The following PTPRD variants were observed in gnomAD, a reference collection of about 807,000 sequenced individuals.
PTPRD encodes the protein protein tyrosine phosphatase receptor type D, also known as receptor-type tyrosine-protein phosphatase delta.
In PTPRD, 34 loss-of-function variants were observed where a neutral mutation model predicts 214.5. The observed-to-expected ratio is 0.16, with a 90% CI of 0.12 to 0.21. PTPRD has a LOEUF of 0.21. PTPRD is among the 10% of genes least tolerant of loss of function. The probability of loss-of-function intolerance (pLI) is 1.00; values close to 1 mark genes in which losing one functional copy is unlikely to be tolerated. For synonymous variants in PTPRD, 1,128 were observed against 845.7 expected, an observed-to-expected ratio of 1.33 and a Z score of -5.79; for missense variants, 2,545 against 2,398.7, an observed-to-expected ratio of 1.06 and a Z score of -1.27.
At chr9:10,001,257 A>C (rs12550974) in intron 4 of PTPRD, among the ~76,000 whole-genome samples, 1 of 152,128 alleles carries the variant, frequency 6.6e-6, no homozygotes, top group Non-Finnish European at 1.5e-5. Context: ...AGAAAAATGA[A>C]CCGAGCCCCC....
In PTPRD at chr9:9,768,499, T is replaced by C. The variant is rs1156249920; in HGVS notation, c.-367-1648A>G. 2.0e-5 allele frequency among the ~76,000 whole-genome samples: 3 copies of C among 152,218 alleles called. No individual in the cohort carries two copies. In the East Asian group the frequency reaches 5.8e-4, roughly 29 times the overall value. ...TCTTCTCTTATTATGTTCAAATTAA[T>C]TGAGAAACACAAGTATGGATGATAA... On this transcript the variant is annotated intron_variant, in intron 5 of 45. Transcript: ENST00000381196.
chr9:8,926,081 C>T (rs1029548018), intron 11 of PTPRD, among the ~76,000 whole-genome samples: 6 of 151,958 alleles, frequency 3.9e-5, no homozygotes, highest in East Asian at 3.9e-4. Context: ...CCTCATCACA[C>T]GATTTCTAGT....
At chr9:9,892,408 A>G (rs1171977114) in intron 5 of PTPRD, among the ~76,000 whole-genome samples, 1 of 152,114 alleles carries the variant, frequency 6.6e-6, no homozygotes, top group Admixed American at 6.6e-5. Flanking sequence ...GAGTGTGTGC[A>G]CACTTGCTCT....
At chr9:9,173,418 T>C (rs2099922689) in intron 10 of PTPRD, among the ~76,000 whole-genome samples, 1 of 152,134 alleles carries the variant, frequency 6.6e-6, no homozygotes, top group South Asian at 2.1e-4. Context: ...CACTTAACAC[T>C]GGGGATACAT....
intron 6 of PTPRD, among the ~76,000 whole-genome samples, chr9:9,760,112 C>A (rs766262825): frequency 1.3e-5 from 2 of 152,204 alleles, no homozygotes; most frequent in Middle Eastern, 3.4e-3. Context: ...GATCTCGTTA[C>A]AAAGTGGATA....
At chr9:9,078,498 T>G (rs1353220121) in intron 10 of PTPRD, among the ~76,000 whole-genome samples, 1 of 152,098 alleles carries the variant, frequency 6.6e-6, no homozygotes, top group Non-Finnish European at 1.5e-5. Flanking sequence ...CACTTTGAAT[T>G]CTTCCATTGC....
chr9:9,965,885 G>T (rs912740654), intron 4 of PTPRD, among the ~76,000 whole-genome samples: 1 of 152,186 alleles, frequency 6.6e-6, no homozygotes, highest in Non-Finnish European at 1.5e-5. Context: ...ATGCATATTA[G>T]CATGTCTCTT....
chr9:8,446,312 C>T (rs751425278), intron 34 of PTPRD, among the ~76,000 whole-genome samples: 22 of 152,116 alleles, frequency 1.4e-4, no homozygotes, highest in Non-Finnish European at 2.2e-4. Flanking sequence ...TCTTAAATCT[C>T]GATTCTCCAA....
At chr9:9,651,219 T>G (rs1344466110) in intron 7 of PTPRD, among the ~76,000 whole-genome samples, 4 of 152,316 alleles carry the variant, frequency 2.6e-5, no homozygotes, top group Non-Finnish European at 4.4e-5. Flanking sequence ...GCATTTAACC[T>G]TATTTATAAC....
chr9:10,236,457 C>T (rs1349960788), intron 3 of PTPRD, among the ~76,000 whole-genome samples: 1 of 151,816 alleles, frequency 6.6e-6, no homozygotes, highest in Non-Finnish European at 1.5e-5. Context: ...CCATGTTATC[C>T]CAAGGGTTTG....
At chr9:8,841,556 C>A (rs528354070) in intron 11 of PTPRD, among the ~76,000 whole-genome samples, 1 of 152,144 alleles carries the variant, frequency 6.6e-6, no homozygotes, top group Non-Finnish European at 1.5e-5. Flanking sequence ...CCTACCCCAA[C>A]AGAGATCTTT....
At chr9:9,217,229 C>T (rs146580103) in intron 9 of PTPRD, among the ~76,000 whole-genome samples, 121 of 152,198 alleles carry the variant, frequency 8.0e-4, no homozygotes, top group African/African-American at 2.7e-3. Context: ...TGTTTCTCAT[C>T]TGTAAAATGT....
intron 11 of PTPRD, among the ~76,000 whole-genome samples, chr9:8,825,854 G>GA (rs1390913478): frequency 6.6e-6 from 1 of 152,182 alleles, no homozygotes; most frequent in East Asian, 1.9e-4. Flanking sequence ...GCGCCAGTGA[G>GA]AGTGTAGCAG....
chr9:8,832,815 T>A (rs72704306), intron 11 of PTPRD, among the ~76,000 whole-genome samples: 3,078 of 152,122 alleles, frequency 0.02, 42 homozygotes, highest in Non-Finnish European at 0.034. Context: ...TCTCTCTGTA[T>A]TTCTCTTTTT....
chr9:9,091,679 T>C (rs753097943), intron 10 of PTPRD, among the ~76,000 whole-genome samples: 1 of 152,218 alleles, frequency 6.6e-6, no homozygotes, highest in Non-Finnish European at 1.5e-5. Context: ...TATCTGCCTG[T>C]AACAAGTACT....
At chr9:10,191,886 A>G (rs2099365094) in intron 3 of PTPRD, among the ~76,000 whole-genome samples, 1 of 152,096 alleles carries the variant, frequency 6.6e-6, no homozygotes, top group Non-Finnish European at 1.5e-5. Context: ...TTTTCTTTTC[A>G]TTAGTTTCTA....
intron 10 of PTPRD, among the ~76,000 whole-genome samples, chr9:9,022,058 T>C (rs940853879): frequency 2.6e-5 from 4 of 151,890 alleles, no homozygotes; most frequent in African/African-American, 9.7e-5. Flanking sequence ...GGTTCATAGG[T>C]GCAGCAGACC....
intron 7 of PTPRD, among the ~76,000 whole-genome samples, chr9:9,627,353 G>C (rs2095454486): frequency 6.6e-6 from 1 of 152,124 alleles, no homozygotes; most frequent in Admixed American, 6.6e-5. Context: ...CACTGTAGAT[G>C]CTTAGTCAAT....
intron 5 of PTPRD, among the ~76,000 whole-genome samples, chr9:9,856,369 T>G (rs55726821): frequency 0.026 from 3,960 of 152,120 alleles, 176 homozygotes; most frequent in African/African-American, 0.086. Context: ...GGTCTCAGGG[T>G]TTTTGGCTTG....
Sources: gnomAD v4.1 joint callset for allele counts (sites outside exome capture counted in the v4.1 genomes callset) on GRCh38, gnomAD v4.1.1 for gene constraint, MANE v1.5 for transcripts, NCBI Gene and HGNC (gene_info 2026-07-23, HGNC 2026-07-21) for gene names.